The following CDKAL1 variants were observed in gnomAD, a reference collection of about 807,000 sequenced individuals.
CDKAL1 encodes the protein threonylcarbamoyladenosine tRNA methylthiotransferase.
Under a neutral mutation model 68.2 loss-of-function variants are expected in CDKAL1, and 32 were observed. That is an observed-to-expected ratio of 0.47 (90% CI 0.35 to 0.63). The LOEUF (loss-of-function observed/expected upper bound fraction) is 0.63, where lower values mean the gene tolerates loss of function less well. CDKAL1 is among the 30% of genes least tolerant of loss of function. The pLI, the probability that CDKAL1 is intolerant of heterozygous loss-of-function variation, is 0.00. For synonymous variants in CDKAL1, 234 were observed against 244.3 expected, an observed-to-expected ratio of 0.96 and a Z score of 0.39; for missense variants, 606 against 696.7, an observed-to-expected ratio of 0.87 and a Z score of 1.47.
intron 11 of CDKAL1, among the ~76,000 whole-genome samples, chr6:21,005,885 G>A (rs1308240233): frequency 6.6e-6 from 1 of 152,082 alleles, no homozygotes; most frequent in Non-Finnish European, 1.5e-5. Flanking sequence ...TTTGCAGGGC[G>A]AGGAGAGAAC....
intron 11 of CDKAL1, among the ~76,000 whole-genome samples, chr6:21,012,725 G>A (rs1438791056): frequency 2.0e-5 from 3 of 152,216 alleles, no homozygotes; most frequent in East Asian, 3.9e-4. Context: ...TGAGGGATAC[G>A]CCTTAGTCCT....
chr6:20,977,556 C>A (rs976985828), intron 10 of CDKAL1, among the ~76,000 whole-genome samples: 13 of 152,148 alleles, frequency 8.5e-5, no homozygotes, highest in South Asian at 2.1e-4. Context: ...CTTCCAGTTT[C>A]CTCATTCTAT....
chr6:21,019,790 C>T (rs1220723541), intron 11 of CDKAL1, among the ~76,000 whole-genome samples: 1 of 152,124 alleles, frequency 6.6e-6, no homozygotes, highest in Non-Finnish European at 1.5e-5. Context: ...CAAAATGTTT[C>T]ATATGCTCAC....
chr6:21,172,520 C>A (rs966678736), intron 13 of CDKAL1, among the ~76,000 whole-genome samples: 1 of 152,124 alleles, frequency 6.6e-6, no homozygotes, highest in African/African-American at 2.4e-5. Context: ...GAGGCAGAGG[C>A]GGGCAGATCG....
At chr6:21,033,926 G>A (rs868116476) in intron 11 of CDKAL1, among the ~76,000 whole-genome samples, 5 of 152,262 alleles carry the variant, frequency 3.3e-5, no homozygotes, top group Middle Eastern at 3.4e-3. Flanking sequence ...GCATGCTGGG[G>A]CAGGAGCCAG....
chr6:20,792,722 C>A (rs1394804697), intron 8 of CDKAL1, among the ~76,000 whole-genome samples: 1 of 152,162 alleles, frequency 6.6e-6, no homozygotes, highest in Admixed American at 6.5e-5. Context: ...GTTTTATTCT[C>A]TACTCATTCA....
intron 10 of CDKAL1, among the ~76,000 whole-genome samples, chr6:20,967,847 T>C (rs1284726043): frequency 1.3e-5 from 2 of 152,230 alleles, no homozygotes; most frequent in Admixed American, 1.3e-4. Context: ...TAATTTCGTC[T>C]TCATTTTTGA....
At chr6:20,950,426 A>G (rs1415095109) in intron 9 of CDKAL1, among the ~76,000 whole-genome samples, 4 of 152,144 alleles carry the variant, frequency 2.6e-5, no homozygotes, top group Non-Finnish European at 5.9e-5. Flanking sequence ...ACCCAGCGTA[A>G]TTTCTGAATT....
At chr6:20,672,391 G>A (rs916186049) in intron 5 of CDKAL1, among the ~76,000 whole-genome samples, 1 of 147,642 alleles carries the variant, frequency 6.8e-6, no homozygotes, top group Admixed American at 6.8e-5. Context: ...ATCTCACTCT[G>A]TCACCCAGGC....
intron 15 of CDKAL1, among the ~76,000 whole-genome samples, chr6:21,223,167 A>G (rs1779598657): frequency 6.6e-6 from 1 of 152,180 alleles, no homozygotes. Flanking sequence ...GGGACTGTTG[A>G]TCTTGATAGT....
intron 8 of CDKAL1, among the ~76,000 whole-genome samples, chr6:20,812,743 G>C (rs72832357): frequency 0.052 from 7,893 of 152,224 alleles, 290 homozygotes; most frequent in Non-Finnish European, 0.071. Context: ...TTGCTGAGTA[G>C]CATTTCATGG....
intron 13 of CDKAL1, among the ~76,000 whole-genome samples, chr6:21,141,159 C>T (rs1333981899): frequency 3.3e-5 from 5 of 152,202 alleles, no homozygotes; most frequent in African/African-American, 1.2e-4. Flanking sequence ...CCACTCCCCC[C>T]TTGCACGCTA....
At chr6:20,774,745 G>T (rs1358387220) in intron 7 of CDKAL1, among the ~76,000 whole-genome samples, 1 of 152,126 alleles carries the variant, frequency 6.6e-6, no homozygotes, top group Non-Finnish European at 1.5e-5. Flanking sequence ...TAGCTTTCTG[G>T]TTCAAATTTT....
intron 4 of CDKAL1, among the ~76,000 whole-genome samples, chr6:20,609,928 C>T (rs1038934932): frequency 6.6e-6 from 1 of 152,158 alleles, no homozygotes; most frequent in Non-Finnish European, 1.5e-5. Flanking sequence ...TCTCCCTCCT[C>T]CTGCCCTCCA....
At chr6:21,091,857 C>CTTTTTTTTTTTTTTTTTTTTTTTT (rs70990099) in intron 12 of CDKAL1, among the ~76,000 whole-genome samples, 1 of 70,538 alleles carries the variant, frequency 1.4e-5, no homozygotes. Context: ...TCAGAACTTT[C>CTTTTTTTTTTTTTTTTTTTTTTTT]TTTTTTTTTT....
chr6:20,885,848 G>A (rs1202359145), intron 9 of CDKAL1, among the ~76,000 whole-genome samples: 3 of 152,150 alleles, frequency 2.0e-5, no homozygotes, highest in African/African-American at 4.8e-5. Context: ...TTGGGAGGCC[G>A]AGGTGCATCA....
At chr6:20,960,340 A>C (rs1393256292) in intron 10 of CDKAL1, among the ~76,000 whole-genome samples, 1 of 152,218 alleles carries the variant, frequency 6.6e-6, no homozygotes, top group Non-Finnish European at 1.5e-5. Flanking sequence ...TAACTGGCTA[A>C]ACCGCATAGC....
chr6:21,032,712 C>T (rs981677747), intron 11 of CDKAL1, among the ~76,000 whole-genome samples: 3 of 152,096 alleles, frequency 2.0e-5, no homozygotes, highest in Non-Finnish European at 2.9e-5. Flanking sequence ...AGTATAGTAA[C>T]ATGCTGCACC....
At chr6:21,003,371 T>TATATATATATATCTATACAC in intron 11 of CDKAL1, among the ~76,000 whole-genome samples, 2 of 49,312 alleles carry the variant, frequency 4.1e-5, no homozygotes, top group Admixed American at 5.7e-4. Context: ...TATATATATA[T>TATATATATATATCTATACAC]ACACACACAC....
Sources: gnomAD v4.1 joint callset for allele counts (sites outside exome capture counted in the v4.1 genomes callset) on GRCh38, gnomAD v4.1.1 for gene constraint, MANE v1.5 for transcripts, NCBI Gene and HGNC (gene_info 2026-07-23, HGNC 2026-07-21) for gene names.